Variants in MYPN observed in about 807,000 individuals in gnomAD.
The protein encoded by MYPN is sarcomeric protein myopalladin, 145 kDa (MYOP).
In MYPN, 63 loss-of-function variants were observed where a neutral mutation model predicts 129.4. That is an observed-to-expected ratio of 0.49 (90% CI 0.40 to 0.60). The LOEUF (loss-of-function observed/expected upper bound fraction) is 0.60, where lower values mean the gene tolerates loss of function less well. Among genes scored for constraint, MYPN ranks in the 20% least tolerant of loss-of-function variants. The pLI is 0.00. For synonymous variants in MYPN, 629 were observed against 600.9 expected (o/e 1.05, Z -0.68); for missense variants, 1,596 against 1,635.4 (o/e 0.98, Z 0.42).
chr10:68,115,712 G>A (rs1469537752), intron 1 of MYPN, among the ~76,000 whole-genome samples: 1 of 152,156 alleles, frequency 6.6e-6, no homozygotes. Flanking sequence ...CCCTTCACAC[G>A]TTTAATAAAA....
intron 2 of MYPN, among the ~76,000 whole-genome samples, chr10:68,141,462 G>A (rs963288825): frequency 6.6e-6 from 1 of 151,900 alleles, no homozygotes; most frequent in Non-Finnish European, 1.5e-5. Flanking sequence ...GTAAAGATTA[G>A]CAACTGCCAA....
intron 2 of MYPN, among the ~76,000 whole-genome samples, chr10:68,137,020 GA>G (rs768201618): frequency 6.6e-6 from 1 of 151,978 alleles, no homozygotes; most frequent in Admixed American, 6.6e-5. Context: ...GGTTTTATGT[GA>G]GTTGTAATAT....
intron 1 of MYPN, among the ~76,000 whole-genome samples, chr10:68,111,837 A>G (rs551456887): frequency 1.3e-4 from 20 of 152,220 alleles, no homozygotes; most frequent in Non-Finnish European, 2.5e-4. Flanking sequence ...GAGCCTCCCA[A>G]CAAAGTGCTT....
intron 2 of MYPN, among the ~76,000 whole-genome samples, chr10:68,127,162 C>G (rs892463029): frequency 1.3e-5 from 2 of 151,936 alleles, no homozygotes; most frequent in African/African-American, 2.4e-5. Context: ...CGCCACCACA[C>G]CCAGCTAATT....
Position 68,166,331 on chromosome 10 carries a change from A to G in MYPN, c.1638A>G (p.Ser546=). 6.2e-7 allele frequency: 1 copy of G among 1,614,092 alleles called. No individual in the cohort carries two copies. The highest frequency in any genetic ancestry group is 8.5e-7 in the Non-Finnish European group (1 of 1,180,010). Residue 546 remains serine (S), a synonymous_variant, in exon 10 of 20, where the codon TCA becomes TCG. Transcript: ENST00000358913. The part of the protein sequence containing the change: ...EDLSNNGSLH[S]ANSTTNLAAI... ...TCAGCAACAACGGGTCTCTTCACTC[A>G]GCCAACTCTACCACCAACCTGGCAG... is the stretch of plus-strand genomic sequence containing the variant.
At chr10:68,149,990 A>G in intron 5 of MYPN, 50 bp from the exon 6 acceptor site, 18 of 1,510,718 alleles carry the variant, frequency 1.2e-5, no homozygotes, top group Non-Finnish European at 1.7e-5. Flanking sequence ...CTCACTATCC[A>G]TCTAATAATA....
chr10:68,148,261 G>A, intron 4 of MYPN, 92 bp from the exon 5 acceptor site: 1 of 1,017,452 alleles, frequency 9.8e-7, no homozygotes, highest in Non-Finnish European at 1.5e-6. Flanking sequence ...ACACTCACCT[G>A]TAAGCAGTGA....
chr10:68,137,924 C>G (rs1422507464), intron 2 of MYPN, among the ~76,000 whole-genome samples: 1 of 152,138 alleles, frequency 6.6e-6, no homozygotes, highest in African/African-American at 2.4e-5. Context: ...AAACATCACA[C>G]AAGTGTTCTT....
At chr10:68,149,917 G>A (rs1228835015) in intron 5 of MYPN, 123 bp from the exon 6 acceptor site, 4 of 827,652 alleles carry the variant, frequency 4.8e-6, no homozygotes, top group Non-Finnish European at 8.3e-6. Flanking sequence ...CATAAACTTA[G>A]AATACATCAG....
intron 1 of MYPN, among the ~76,000 whole-genome samples, chr10:68,118,565 C>G (rs942237630): frequency 1.3e-5 from 2 of 152,136 alleles, no homozygotes; most frequent in African/African-American, 4.8e-5. Context: ...GGCACGATGC[C>G]TCATGCCTGT....
At chr10:68,103,974 G>A (rs73265252), upstream of MYPN, among the ~76,000 whole-genome samples, 11,913 of 152,118 alleles carry the variant, frequency 0.078, 1,230 homozygotes, top group African/African-American at 0.24. Context: ...CCTCTAAAAG[G>A]CTTAGGTTTG....
At chr10:68,127,814 A>C (rs1368559570) in intron 2 of MYPN, among the ~76,000 whole-genome samples, 2 of 152,214 alleles carry the variant, frequency 1.3e-5, no homozygotes, top group Non-Finnish European at 2.9e-5. Context: ...AAAATAACAA[A>C]GTAATGAGAC....
chr10:68,183,277 A>G (rs1024006956), intron 12 of MYPN, among the ~76,000 whole-genome samples: 3 of 152,134 alleles, frequency 2.0e-5, no homozygotes, highest in African/African-American at 7.2e-5. Context: ...CCTGGACAAC[A>G]TGGCGAAACC....
At chr10:68,114,327 C>A (rs2042122476) in intron 1 of MYPN, 2 of 151,028 alleles carry the variant, frequency 1.3e-5, no homozygotes, top group Non-Finnish European at 1.5e-5. Context: ...TTTTTATGAA[C>A]CTGACTCTCT....
At chr10:68,141,635 CT>C (rs539695946) in intron 2 of MYPN, among the ~76,000 whole-genome samples, 72 of 152,280 alleles carry the variant, frequency 4.7e-4, no homozygotes, top group South Asian at 2.9e-3. Context: ...CCCTTCGCCC[CT>C]AATAGCCGCT....
At chr10:68,195,666 C>T (rs553792974) in intron 15 of MYPN, 134 bp downstream of exon 15, 31 of 762,070 alleles carry the variant, frequency 4.1e-5, no homozygotes, top group Admixed American at 1.0e-4. Context: ...ATCACCTGGG[C>T]GTTGGTTGGA....
At chr10:68,195,395 T>C in intron 14 of MYPN, 55 bp from the exon 15 acceptor site, 1 of 1,570,526 alleles carries the variant, frequency 6.4e-7, no homozygotes, top group Non-Finnish European at 8.8e-7. Flanking sequence ...TTTATGTAAA[T>C]TGAAAAAATG....
At chr10:68,091,717 T>C (rs1369476303) in intron 1 of MYPN, among the ~76,000 whole-genome samples, 1 of 150,974 alleles carries the variant, frequency 6.6e-6, no homozygotes, top group Non-Finnish European at 1.5e-5. Flanking sequence ...CCAAATTTGC[T>C]CGTTTTTTTT....
chr10:68,155,626 T>C (rs564217612), intron 6 of MYPN, among the ~76,000 whole-genome samples: 1 of 152,328 alleles, frequency 6.6e-6, no homozygotes, highest in African/African-American at 2.4e-5. Flanking sequence ...AGACCTACTG[T>C]TGTGATGAAC....
Sources: allele counts gnomAD v4.1 joint callset (sites outside exome capture counted in the v4.1 genomes callset), GRCh38; gene constraint gnomAD v4.1.1; transcripts MANE v1.5; gene names NCBI Gene and HGNC (gene_info 2026-07-23, HGNC 2026-07-21).